Variants in SGCG observed in about 807,000 individuals in gnomAD.
The protein encoded by SGCG is sarcoglycan gamma.
A neutral mutation model predicts 29.3 loss-of-function variants in SGCG; 26 were observed. The observed-to-expected ratio is 0.89, with a 90% confidence interval of 0.65 to 1.23. SGCG has a LOEUF of 1.23. Ranked by LOEUF, SGCG falls within the 50% of genes most tolerant of loss-of-function variation. The pLI is 0.00. For missense variants in SGCG, 353 were observed against 356.0 expected, an observed-to-expected ratio of 0.99 and a Z score of 0.07; for synonymous variants, 145 against 129.7, an observed-to-expected ratio of 1.12 and a Z score of -0.80.
intron 4 of SGCG, chr13:23,268,478 A>G (rs1880729494): frequency 6.5e-6 from 1 of 152,772 alleles, no homozygotes; most frequent in African/African-American, 2.4e-5. Context: ...AGAGGCCTCA[A>G]AAGAAGCAAG....
intron 5 of SGCG, 67 bp downstream of exon 5, chr13:23,279,545 A>G (rs1413712833): frequency 6.7e-7 from 1 of 1,493,110 alleles, no homozygotes; most frequent in Non-Finnish European, 9.3e-7. Context: ...ACATTGTACT[A>G]TTGACAAGTT....
intron 7 of SGCG, among the ~76,000 whole-genome samples, chr13:23,322,243 T>TGA (rs1276893737): frequency 6.6e-6 from 1 of 152,158 alleles, no homozygotes; most frequent in Admixed American, 6.5e-5. Flanking sequence ...CCAATAGGGA[T>TGA]GGCACCACGT....
At chr13:23,227,862 G>T (rs1878962762) in intron 2 of SGCG, among the ~76,000 whole-genome samples, 1 of 152,120 alleles carries the variant, frequency 6.6e-6, no homozygotes, top group Non-Finnish European at 1.5e-5. Flanking sequence ...CAAGGCTAAA[G>T]TACAGTGGCT....
intron 6 of SGCG, among the ~76,000 whole-genome samples, chr13:23,300,712 A>G (rs9510686): frequency 0.55 from 83,579 of 151,076 alleles, 24,259 homozygotes; most frequent in East Asian, 0.84. Context: ...TCATAGAACC[A>G]TTTAAAAACA....
At chr13:23,323,609 T>A (rs1883127456) in intron 7 of SGCG, among the ~76,000 whole-genome samples, 1 of 152,262 alleles carries the variant, frequency 6.6e-6, no homozygotes, top group Non-Finnish European at 1.5e-5. Flanking sequence ...CAAGCCTCAA[T>A]CTACGGCTCT....
chr13:23,252,698 AC>A lies in SGCG; in HGVS notation c.385+1982del, dbSNP rs1457045203. Among the ~76,000 whole-genome samples, 660 of 146,834 alleles carry A rather than the reference AC, an allele frequency of 4.5e-3. 3 individuals are homozygous for A. The highest frequency in any genetic ancestry group is 0.016 in the African/African-American group (616 of 39,132). ...AGAGTGAGACTGTGTCTCAAAAAAA[AC>A]AAAACAAAACAAACAAACAAAAAAG... is the stretch of plus-strand genomic sequence containing the variant. On this transcript the variant is annotated intron_variant, in intron 4 of 7. Coordinates refer to ENST00000218867, the MANE Select transcript of SGCG (RefSeq NM_000231.3).
At chr13:23,236,066 A>G (rs1879297003) in intron 3 of SGCG, among the ~76,000 whole-genome samples, 1 of 152,234 alleles carries the variant, frequency 6.6e-6, no homozygotes, top group Non-Finnish European at 1.5e-5. Flanking sequence ...AGTGGGAGCC[A>G]GAAGATGACC....
chr13:23,246,694 C>A, intron 3 of SGCG: 1 of 218,158 alleles, frequency 4.6e-6, no homozygotes. Flanking sequence ...TGGATTACTC[C>A]AACATGTGCA....
intron 6 of SGCG, among the ~76,000 whole-genome samples, chr13:23,320,077 T>C (rs185384037): frequency 6.6e-6 from 1 of 152,354 alleles, no homozygotes; most frequent in East Asian, 1.9e-4. Flanking sequence ...ACTTATATTC[T>C]GTCTTATGAA....
intron 2 of SGCG, among the ~76,000 whole-genome samples, chr13:23,212,437 G>C (rs1878262623): frequency 6.7e-6 from 1 of 149,624 alleles, no homozygotes; most frequent in Admixed American, 6.7e-5. Context: ...GATCATGTCA[G>C]TTGAGCCTGG....
chr13:23,234,249 A>C (rs1879219960), intron 2 of SGCG, among the ~76,000 whole-genome samples: 2 of 152,310 alleles, frequency 1.3e-5, no homozygotes, highest in South Asian at 4.2e-4. Context: ...TGATTAGACA[A>C]ATCTATATAT....
At chr13:23,320,598 T>C (rs1335299212) in intron 6 of SGCG, 39 bp from the exon 7 acceptor site, 5 of 1,026,212 alleles carry the variant, frequency 4.9e-6, no homozygotes, top group Admixed American at 5.6e-5. Flanking sequence ...TTTTTAATAC[T>C]TTTTTTTTTT....
chr13:23,188,480 ATTTTTTTTT>A (rs71218545), intron 1 of SGCG, among the ~76,000 whole-genome samples: 8,347 of 120,482 alleles, frequency 0.069, 356 homozygotes, highest in Middle Eastern at 0.13. Context: ...CGCCTGCCTA[ATTTTTTTTT>A]TTTTTTTTTT....
chr13:23,319,885 T>A (rs576353769), intron 6 of SGCG, among the ~76,000 whole-genome samples: 2 of 152,332 alleles, frequency 1.3e-5, no homozygotes, highest in African/African-American at 4.8e-5. Flanking sequence ...CTGGCTCTTA[T>A]ATTTTTGGTT....
At chr13:23,190,239 TTAA>T (rs1199160515) in intron 1 of SGCG, among the ~76,000 whole-genome samples, 2 of 151,120 alleles carry the variant, frequency 1.3e-5, no homozygotes, top group Non-Finnish European at 3.0e-5. Context: ...ATTGATAATA[TTAA>T]TAATATATGG....
chr13:23,300,487 C>G (rs1029694035), intron 6 of SGCG, among the ~76,000 whole-genome samples: 1 of 152,082 alleles, frequency 6.6e-6, no homozygotes, highest in African/African-American at 2.4e-5. Flanking sequence ...TCCTGACCTC[C>G]CATGAATCAG....
chr13:23,295,980 G>C (rs149320400), intron 6 of SGCG, among the ~76,000 whole-genome samples: 1 of 151,196 alleles, frequency 6.6e-6, no homozygotes, highest in South Asian at 2.1e-4. Flanking sequence ...ACTGACTGTT[G>C]CATCTCCCTG....
chr13:23,193,623 A>T (rs1019648908), intron 1 of SGCG, among the ~76,000 whole-genome samples: 28 of 152,168 alleles, frequency 1.8e-4, no homozygotes, highest in African/African-American at 6.8e-4. Context: ...AAGGGGGGAA[A>T]TTCAGGAGGT....
chr13:23,240,702 T>A (rs1879471666), intron 3 of SGCG, among the ~76,000 whole-genome samples: 3 of 83,412 alleles, frequency 3.6e-5, no homozygotes, highest in Non-Finnish European at 7.3e-5. Context: ...TATATAAAAA[T>A]TTATAAATAA....
Sources: allele counts gnomAD v4.1 joint callset (sites outside exome capture counted in the v4.1 genomes callset), GRCh38; gene constraint gnomAD v4.1.1; transcripts MANE v1.5; gene names NCBI Gene and HGNC (gene_info 2026-07-23, HGNC 2026-07-21).